The following TRIOBP variants were observed in gnomAD, a reference collection of about 807,000 sequenced individuals.
TRIOBP encodes TRIO and F-actin-binding protein.
A neutral mutation model predicts 238.8 loss-of-function variants in TRIOBP; 169 were observed. The observed-to-expected ratio is 0.71, with a 90% CI of 0.62 to 0.80. The LOEUF (loss-of-function observed/expected upper bound fraction) is 0.80, where lower values mean the gene tolerates loss of function less well. TRIOBP is among the 30% of genes least tolerant of loss of function. The pLI, the probability that TRIOBP is intolerant of heterozygous loss-of-function variation, is 0.00. For synonymous variants in TRIOBP, 1,150 were observed against 1,274.4 expected, an observed-to-expected ratio of 0.90 and a Z score of 2.08; for missense variants, 2,838 against 3,122.6, an observed-to-expected ratio of 0.91 and a Z score of 2.17.
chr22:37,708,691 G>A (rs527482566), intron 3 of TRIOBP, among the ~76,000 whole-genome samples: 17 of 152,326 alleles, frequency 1.1e-4, no homozygotes, highest in African/African-American at 2.9e-4. Flanking sequence ...GGTCTTGGTC[G>A]CTTCTCAGCC....
intron 3 of TRIOBP, 104 bp from the exon 4 acceptor site, chr22:37,710,323 G>A (rs1032086661): frequency 4.6e-6 from 7 of 1,527,652 alleles, no homozygotes; most frequent in East Asian, 2.3e-5. Context: ...AGGATCCCCC[G>A]AGGAGATGCC....
chr22:37,710,904 T>G (rs1306078011), intron 4 of TRIOBP, among the ~76,000 whole-genome samples: 1 of 152,238 alleles, frequency 6.6e-6, no homozygotes, highest in Non-Finnish European at 1.5e-5. Flanking sequence ...CACCTTGCAG[T>G]GGGCATGGCC....
chr22:37,746,305 C>T, intron 11 of TRIOBP: 1 of 1,114,258 alleles, frequency 9.0e-7, no homozygotes, highest in South Asian at 4.3e-5. Flanking sequence ...CGGCGGGCGG[C>T]CGAGAGGGGC....
chr22:37,723,038 T>C (rs570270042), intron 6 of TRIOBP, 147 bp from the exon 7 acceptor site: 2 of 744,074 alleles, frequency 2.7e-6, no homozygotes, highest in African/African-American at 1.8e-5. Context: ...GTCAGAGAGG[T>C]GGAGTCACTT....
chr22:37,759,795 G>T (rs1926148854), intron 17 of TRIOBP: 11 of 1,348,472 alleles, frequency 8.2e-6, no homozygotes, highest in Non-Finnish European at 9.6e-6. Context: ...GGGACATTTG[G>T]CTGTGTCTGG....
At chr22:37,746,042 C>G (rs1015028888) in intron 11 of TRIOBP, among the ~76,000 whole-genome samples, 1 of 136,970 alleles carries the variant, frequency 7.3e-6, no homozygotes, top group Non-Finnish European at 1.6e-5. Context: ...CCCATCCGCC[C>G]ACCCCGCCGT....
chr22:37,731,077 G>A (rs1924399020), intron 7 of TRIOBP, among the ~76,000 whole-genome samples: 1 of 151,664 alleles, frequency 6.6e-6, no homozygotes, highest in South Asian at 2.1e-4. Flanking sequence ...TAACATTATT[G>A]TGCTTTATGG....
intron 11 of TRIOBP, among the ~76,000 whole-genome samples, chr22:37,742,932 G>A (rs1178375446): frequency 6.6e-6 from 1 of 152,162 alleles, no homozygotes; most frequent in Non-Finnish European, 1.5e-5. Flanking sequence ...GAGAGGGAGG[G>A]TCACTTGCTC....
chr22:37,771,798 G>C, intron 22 of TRIOBP, 62 bp downstream of exon 22: 1 of 1,455,716 alleles, frequency 6.9e-7, no homozygotes, highest in Non-Finnish European at 9.6e-7. Flanking sequence ...ATGCCATCCT[G>C]TGAGCACCTG....
intron 3 of TRIOBP, among the ~76,000 whole-genome samples, chr22:37,709,452 C>A (rs941496714): frequency 2.1e-4 from 32 of 152,358 alleles, no homozygotes; most frequent in African/African-American, 7.7e-4. Flanking sequence ...TTTCCACTGC[C>A]TCGGCGGCTG....
In TRIOBP at chr22:37,719,684, C is replaced by T. The variant is rs78809729; in HGVS notation, c.629-3501C>T. 8.3e-3 allele frequency among the ~76,000 whole-genome samples: 1,268 copies of T among 152,172 alleles called. 17 individuals carry two copies. Among genetic ancestry groups the T allele is most frequent in the African/African-American group, 0.029 (1,191 of 41,524 alleles). ...TTGCACAGAATCACTCTGGGCTCCC[C>T]GATCCCTCACTCCTGGTCTGCCTCC... On this transcript the variant is annotated intron_variant, in intron 6 of 23. Coordinates refer to ENST00000644935, the MANE Select transcript of TRIOBP (RefSeq NM_001039141.3).
intron 6 of TRIOBP, among the ~76,000 whole-genome samples, chr22:37,719,469 A>T (rs1365847461): frequency 1.3e-5 from 2 of 152,058 alleles, no homozygotes; most frequent in Non-Finnish European, 2.9e-5. Context: ...TCAGATGCTC[A>T]GGGAAGCAGG....
intron 9 of TRIOBP, 150 bp from the exon 10 acceptor site, chr22:37,738,492 T>C: frequency 1.3e-6 from 1 of 747,626 alleles, no homozygotes; most frequent in South Asian, 1.5e-5. Flanking sequence ...TGATAGACAC[T>C]GGATGGTTGG....
chr22:37,708,107 A>G (rs1384096748), intron 3 of TRIOBP, among the ~76,000 whole-genome samples: 1 of 150,916 alleles, frequency 6.6e-6, no homozygotes, highest in Admixed American at 6.6e-5. Flanking sequence ...TTAGCTGGGC[A>G]TGGTGGCGGG....
rs745776539 is a variant in TRIOBP at position 37,725,137 on chromosome 22, C to G, written c.2581C>G (p.Arg861Gly). 1.2e-6 allele frequency: 2 copies of G among 1,614,024 alleles called. No individual in the cohort carries two copies. Among genetic ancestry groups the G allele is most frequent in the African/African-American group, 2.7e-5 (2 of 74,916 alleles). The change falls in exon 7 of 24, where the codon CGA becomes GGA. Residue 861 changes from arginine to glycine, a missense_variant. By Grantham distance (125) the Arg-to-Gly change is moderately radical. Around this residue, in one of 5 missense-constraint regions of TRIOBP, gnomAD observed 2,096 missense variants for 2,137.4 expected, o/e 0.98. Transcript: ENST00000644935. Reference protein sequence around the residue: ...RDRTQSFSFQRDNPGTSSSQC... With the variant: ...RDRTQSFSFQGDNPGTSSSQC... The stretch of plus-strand genomic sequence containing the variant: ...CCGCACACAGTCCTTTTCCTTTCAA[C>G]GAGACAACCCTGGAACCTCCTCATC...
chr22:37,717,333 G>C (rs901020341), intron 6 of TRIOBP, among the ~76,000 whole-genome samples: 1 of 152,232 alleles, frequency 6.6e-6, no homozygotes, highest in East Asian at 1.9e-4. Context: ...ATTGCAAAGA[G>C]CGAAAGAACA....
At chr22:37,744,602 C>A (rs1216584170) in intron 11 of TRIOBP, among the ~76,000 whole-genome samples, 1 of 152,126 alleles carries the variant, frequency 6.6e-6, no homozygotes, top group Non-Finnish European at 1.5e-5. Flanking sequence ...GTGCCCAGGG[C>A]ACTGGACCAG....
chr22:37,764,105 G>T (rs1240346700), intron 17 of TRIOBP, among the ~76,000 whole-genome samples: 1 of 152,206 alleles, frequency 6.6e-6, no homozygotes, highest in East Asian at 1.9e-4. Flanking sequence ...ATTACACTGG[G>T]CTTGAGGGAT....
intron 7 of TRIOBP, among the ~76,000 whole-genome samples, chr22:37,727,282 G>A (rs1924221543): frequency 6.6e-6 from 1 of 151,696 alleles, no homozygotes; most frequent in Non-Finnish European, 1.5e-5. Flanking sequence ...GTGCATGAGG[G>A]AGAAGAAGAA....
Sources: allele counts gnomAD v4.1 joint callset (sites outside exome capture counted in the v4.1 genomes callset), GRCh38; gene constraint gnomAD v4.1.1; regional missense constraint gnomAD v4.1.1; transcripts MANE v1.5; gene names NCBI Gene and HGNC (gene_info 2026-07-23, HGNC 2026-07-21).